IKBKB-DT: variants seen among roughly 807,000 people sequenced by gnomAD.
IKBKB-DT encodes the protein IKBKB divergent transcript, also known as IKBKB antisense RNA.
At position 42,258,306 on chromosome 8, in the gene IKBKB-DT, G is replaced by GTT. The variant is rs143046884; in HGVS notation, n.1529+5021_1529+5022dup. Among the ~76,000 whole-genome samples, 235 of 151,510 alleles carry GTT rather than the reference G, an allele frequency of 1.6e-3. 2 individuals are homozygous for GTT. The highest frequency in any genetic ancestry group is 5.0e-3 in the African/African-American group (208 of 41,324). The stretch of plus-strand genomic sequence containing the variant: ...CTCTAACTTTCTAAATCTATTCAGG[G>GTT]TTTTTTTTGTTTTATTTTTGTTTTG... On this transcript the variant is annotated intron_variant and non_coding_transcript_variant, in intron 3 of 3. Coordinates refer to ENST00000518213, the Ensembl canonical transcript of IKBKB-DT.
At chr8:42,268,572 A>G (rs1222701659) in intron 1 of IKBKB-DT, among the ~76,000 whole-genome samples, 4 of 147,612 alleles carry the variant, frequency 2.7e-5, no homozygotes, top group Non-Finnish European at 4.5e-5. Flanking sequence ...CACCCGGCCA[A>G]ATTTTTTTTT....
chr8:42,244,554 T>C (rs1046433520), intron 3 of IKBKB-DT, among the ~76,000 whole-genome samples: 7 of 152,230 alleles, frequency 4.6e-5, no homozygotes, highest in Non-Finnish European at 1.0e-4. Flanking sequence ...AATTGAATTT[T>C]TTTTTAATTT....
chr8:42,251,169 A>C (rs906296631), intron 3 of IKBKB-DT, among the ~76,000 whole-genome samples: 36 of 152,216 alleles, frequency 2.4e-4, no homozygotes, highest in Non-Finnish European at 1.2e-4. Flanking sequence ...CAGAGACAAA[A>C]GATCTCTCAG....
intron 3 of IKBKB-DT, among the ~76,000 whole-genome samples, chr8:42,249,762 C>T (rs1055804103): frequency 1.3e-5 from 2 of 151,938 alleles, no homozygotes; most frequent in African/African-American, 4.8e-5. Context: ...TTAAAGAAAA[C>T]ATGTATTATT....
chr8:42,235,292 C>A (rs781146591), intron 3 of IKBKB-DT, among the ~76,000 whole-genome samples: 1 of 148,826 alleles, frequency 6.7e-6, no homozygotes, highest in South Asian at 2.1e-4. Context: ...GCAACCTCTG[C>A]TTTCCAGGTT....
chr8:42,258,998 AT>A (rs900609425), intron 3 of IKBKB-DT, among the ~76,000 whole-genome samples: 9 of 151,856 alleles, frequency 5.9e-5, no homozygotes, highest in African/African-American at 2.2e-4. Context: ...CGAAACATAT[AT>A]TTTTTCATAG....
intron 3 of IKBKB-DT, among the ~76,000 whole-genome samples, chr8:42,241,273 G>T (rs905946507): frequency 1.3e-5 from 1 of 78,762 alleles, no homozygotes; most frequent in Non-Finnish European, 2.4e-5. Flanking sequence ...TTTTGCCTAG[G>T]AAGGGCCAGT....
At chr8:42,235,665 G>A (rs891642844) in intron 3 of IKBKB-DT, among the ~76,000 whole-genome samples, 1 of 152,108 alleles carries the variant, frequency 6.6e-6, no homozygotes, top group Non-Finnish European at 1.5e-5. Context: ...GCCTGCCCAC[G>A]AAACTATCTT....
chr8:42,262,567 G>A (rs1807304867), intron 3 of IKBKB-DT, among the ~76,000 whole-genome samples: 1 of 151,940 alleles, frequency 6.6e-6, no homozygotes, highest in Non-Finnish European at 1.5e-5. Context: ...AGCCTCCTGA[G>A]TAGCTGGGAC....
At chr8:42,246,143 C>T (rs1169342860) in intron 3 of IKBKB-DT, among the ~76,000 whole-genome samples, 1 of 152,166 alleles carries the variant, frequency 6.6e-6, no homozygotes, top group East Asian at 1.9e-4. Context: ...CTCAGGCAAT[C>T]CTCCCGCCTC....
At chr8:42,242,066 T>C (rs959715346) in intron 3 of IKBKB-DT, among the ~76,000 whole-genome samples, 1 of 151,864 alleles carries the variant, frequency 6.6e-6, no homozygotes, top group Non-Finnish European at 1.5e-5. Context: ...AATACAAAAT[T>C]TATCTGGGCA....
intron 2 of IKBKB-DT, among the ~76,000 whole-genome samples, chr8:42,264,887 A>C (rs1476397052): frequency 7.8e-6 from 1 of 127,924 alleles, no homozygotes; most frequent in Non-Finnish European, 1.6e-5. Context: ...TTTGAGATGG[A>C]GTTTTACTCT....
At position 42,268,679 on chromosome 8, in the gene IKBKB-DT, G is replaced by A. The variant is rs548545291; in HGVS notation, n.603+1972C>T. Among the ~76,000 whole-genome samples, 3 of 151,310 alleles carry A rather than the reference G, an allele frequency of 2.0e-5. No homozygotes were observed. In the South Asian group the frequency reaches 6.3e-4, roughly 32 times the overall value. On this transcript the variant is annotated intron_variant and non_coding_transcript_variant, in intron 1 of 3. Coordinates refer to ENST00000518213, the Ensembl canonical transcript of IKBKB-DT. ...GCTCCTGGGTTCAAGTGATTCTCCT[G>A]CCTCAGCCTCCCAAGTAGCTGGGAT... is the stretch of plus-strand genomic sequence containing the variant.
chr8:42,248,927 A>C (rs1807096127), intron 3 of IKBKB-DT: 1 of 152,090 alleles, frequency 6.6e-6, no homozygotes, highest in Non-Finnish European at 1.5e-5. Context: ...ACAGATAAAC[A>C]AAGGTGTAAA....
chr8:42,239,873 A>G (rs1469822591), intron 3 of IKBKB-DT, among the ~76,000 whole-genome samples: 1 of 151,484 alleles, frequency 6.6e-6, no homozygotes, highest in Non-Finnish European at 1.5e-5. Flanking sequence ...TCCTGACCTT[A>G]GGTGATCCAC....
intron 3 of IKBKB-DT, among the ~76,000 whole-genome samples, chr8:42,244,388 T>C (rs1159601734): frequency 3.9e-5 from 6 of 152,330 alleles, no homozygotes; most frequent in African/African-American, 1.4e-4. Flanking sequence ...GTTCCAGCAC[T>C]GTGTCATTGG....
intron 3 of IKBKB-DT, among the ~76,000 whole-genome samples, chr8:42,235,968 C>A (rs979986484): frequency 1.3e-5 from 2 of 152,058 alleles, no homozygotes; most frequent in Non-Finnish European, 2.9e-5. Context: ...GCGGAGGTTG[C>A]AGTCAGCTGA....
chr8:42,246,812 G>T (rs148547111), intron 3 of IKBKB-DT, among the ~76,000 whole-genome samples: 1 of 152,168 alleles, frequency 6.6e-6, no homozygotes, highest in African/African-American at 2.4e-5. Context: ...GACCGGTTTC[G>T]TGGGAGACAA....
At chr8:42,258,838 T>C (rs983683194) in intron 3 of IKBKB-DT, among the ~76,000 whole-genome samples, 1 of 152,144 alleles carries the variant, frequency 6.6e-6, no homozygotes, top group African/African-American at 2.4e-5. Context: ...CTTTACACTT[T>C]CTGGTTTTCA....
Sources: allele counts gnomAD v4.1 joint callset (sites outside exome capture counted in the v4.1 genomes callset), GRCh38; gene constraint gnomAD v4.1.1; transcripts MANE v1.5; gene names NCBI Gene and HGNC (gene_info 2026-07-23, HGNC 2026-07-21).